TIPIN: variants seen among roughly 807,000 people sequenced by gnomAD.
TIPIN encodes TIMELESS-interacting protein.
In TIPIN, 29 loss-of-function variants were observed where a neutral mutation model predicts 35.6. The ratio of observed to expected loss-of-function variants is 0.82; its 90% confidence interval spans 0.61 to 1.11. TIPIN has a LOEUF of 1.11. Among genes scored for constraint, TIPIN ranks in the 50% most tolerant of loss-of-function variants. The pLI, the probability that TIPIN is intolerant of heterozygous loss-of-function variation, is 0.00. For synonymous variants in TIPIN, 102 were observed against 121.5 expected (o/e 0.84, Z 1.06); for missense variants, 296 against 345.4 (o/e 0.86, Z 1.13).
intron 1 of TIPIN, among the ~76,000 whole-genome samples, chr15:66,366,290 C>A (rs754318102): frequency 2.0e-5 from 3 of 151,612 alleles, no homozygotes; most frequent in African/African-American, 7.3e-5. Flanking sequence ...CCTGTCTCTA[C>A]TAAAAATGCA....
chr15:66,382,188 T>G (rs2093321145), intron 1 of TIPIN: 1 of 199,738 alleles, frequency 5.0e-6, no homozygotes, highest in African/African-American at 2.4e-5. Flanking sequence ...CTCATAACTA[T>G]TTAGTGCAGT....
At chr15:66,368,717 C>G in intron 1 of TIPIN, among the ~76,000 whole-genome samples, 1 of 151,946 alleles carries the variant, frequency 6.6e-6, no homozygotes, top group South Asian at 2.1e-4. Flanking sequence ...AGTATCAAAA[C>G]TGGAGAAAGG....
At chr15:66,361,339 T>C (rs1257146538), upstream of TIPIN, among the ~76,000 whole-genome samples, 1 of 147,644 alleles carries the variant, frequency 6.8e-6, no homozygotes, top group Admixed American at 6.8e-5. Context: ...CACTGCAAGC[T>C]CCGCTTCCCG....
In TIPIN at chr15:66,379,896, T is replaced by C. The variant is rs143003065; in HGVS notation, c.-9+6711A>G. 6.1e-4 allele frequency: 955 copies of C among 1,563,394 alleles called. 7 individuals are homozygous for C. The African/African-American group carries it at 0.012, about 19-fold the overall frequency. Reference sequence around the variant, plus strand: ...ATTTTCTGGAATGTCGACAGTCTGATTAATGAGAATGGTCTTCACTCTCGC... The same window carrying C: ...ATTTTCTGGAATGTCGACAGTCTGACTAATGAGAATGGTCTTCACTCTCGC... On this transcript the variant is annotated intron_variant, in intron 1 of 7. Transcript: ENST00000562124.
At chr15:66,377,290 T>C (rs1224213681) in intron 1 of TIPIN, among the ~76,000 whole-genome samples, 1 of 152,210 alleles carries the variant, frequency 6.6e-6, no homozygotes, top group Non-Finnish European at 1.5e-5. Flanking sequence ...GAACTACCTA[T>C]ATTGATGTAT....
upstream of TIPIN, among the ~76,000 whole-genome samples, chr15:66,360,316 A>C (rs978500271): frequency 2.0e-5 from 3 of 152,116 alleles, no homozygotes; most frequent in Admixed American, 2.0e-4. Flanking sequence ...AGAAAATGTA[A>C]AGATTTTGGC....
At position 66,377,323 on chromosome 15, in the gene TIPIN, T is replaced by C. The variant is rs554703557; in HGVS notation, c.-9+9284A>G. On this transcript the variant is annotated intron_variant, in intron 1 of 7. Transcript: ENST00000562124. The stretch of plus-strand genomic sequence containing the variant: ...TATTAATACTTTCCTTATGTTTCTA[T>C]TGGATGAATGATGATCTTCTTTTAA... Among the ~76,000 whole-genome samples, 179 of 152,242 alleles carry C rather than the reference T, an allele frequency of 1.2e-3. 2 individuals carry two copies. The highest frequency in any genetic ancestry group is 3.1e-4 in the Non-Finnish European group (21 of 68,018).
Position 66,353,086 on chromosome 15 carries a change from T to A in TIPIN, c.-8-131A>T. On this transcript the variant is annotated intron_variant, in intron 1 of 7. Coordinates refer to ENST00000261881, the MANE Select transcript of TIPIN (RefSeq NM_017858.3). ...TTTCAAACTCACACATCATGAAAAGTAGAGAAGATACTAATTATGAAAAAA... is the reference window on the plus strand; with the variant it reads ...TTTCAAACTCACACATCATGAAAAGAAGAGAAGATACTAATTATGAAAAAA... The A allele has an allele frequency of 1.3e-5, 11 of 817,618 alleles. 1 individual carries two copies. The highest frequency in any genetic ancestry group is 2.0e-5 in the Non-Finnish European group (11 of 563,582). The allele number at this position is 817,618 out of a possible 1,614,324, so 50.6% of individuals were successfully genotyped here.
intron 6 of TIPIN, among the ~76,000 whole-genome samples, chr15:66,346,448 T>A (rs2093126415): frequency 6.6e-6 from 1 of 152,096 alleles, no homozygotes; most frequent in Admixed American, 6.6e-5. Flanking sequence ...TTCTGAATCC[T>A]CCTTTGTGAA....
intron 1 of TIPIN, among the ~76,000 whole-genome samples, chr15:66,375,991 T>C (rs376903136): frequency 7.2e-5 from 11 of 152,010 alleles, no homozygotes; most frequent in Admixed American, 2.6e-4. Context: ...GTCCTAGCTA[T>C]TGGGGAGGCT....
At chr15:66,379,031 T>A (rs570021770) in intron 1 of TIPIN, among the ~76,000 whole-genome samples, 1 of 152,250 alleles carries the variant, frequency 6.6e-6, no homozygotes, top group East Asian at 1.9e-4. Context: ...AAGTGTTAGG[T>A]TACAGGCATG....
intron 1 of TIPIN, among the ~76,000 whole-genome samples, chr15:66,381,303 T>C (rs1179665224): frequency 6.6e-6 from 1 of 152,004 alleles, no homozygotes; most frequent in Non-Finnish European, 1.5e-5. Context: ...CCGAGCGTGG[T>C]GGCGGGCGCC....
At chr15:66,348,794 A>G (rs1465135115) in intron 6 of TIPIN, among the ~76,000 whole-genome samples, 2 of 151,928 alleles carry the variant, frequency 1.3e-5, no homozygotes, top group Admixed American at 6.6e-5. Flanking sequence ...AAAATTTTAA[A>G]ATTAGCCAGG....
intron 7 of TIPIN, among the ~76,000 whole-genome samples, chr15:66,338,123 G>C (rs1163661972): frequency 1.3e-5 from 2 of 151,978 alleles, no homozygotes; most frequent in Admixed American, 6.6e-5. Context: ...GGACATGGTG[G>C]AGCACGCCTG....
chr15:66,365,123 A>T (rs1304064151), intron 1 of TIPIN, among the ~76,000 whole-genome samples: 1 of 152,102 alleles, frequency 6.6e-6, no homozygotes, highest in African/African-American at 2.4e-5. Context: ...TCTTTGTCTC[A>T]AAATGAGATA....
At chr15:66,352,415 C>T (rs2093174374) in intron 2 of TIPIN, among the ~76,000 whole-genome samples, 1 of 152,164 alleles carries the variant, frequency 6.6e-6, no homozygotes, top group Admixed American at 6.6e-5. Flanking sequence ...TCTTCTGCCT[C>T]AGTATCCCGA....
At chr15:66,342,185 T>TAAAAAAA (rs2093092193) in intron 6 of TIPIN, among the ~76,000 whole-genome samples, 1 of 12,042 alleles carries the variant, frequency 8.3e-5, no homozygotes, top group Non-Finnish European at 1.5e-4. Flanking sequence ...CAAGACTGTC[T>TAAAAAAA]CAAAAAAAAA....
chr15:66,384,846 A>G (rs1449820950), intron 1 of TIPIN, among the ~76,000 whole-genome samples: 1 of 151,560 alleles, frequency 6.6e-6, no homozygotes, highest in Non-Finnish European at 1.5e-5. Flanking sequence ...TGGGAGGTGG[A>G]GGTTGCAATG....
chr15:66,372,591 T>G (rs1241816211), intron 1 of TIPIN, among the ~76,000 whole-genome samples: 4 of 152,148 alleles, frequency 2.6e-5, no homozygotes, highest in Admixed American at 6.6e-5. Flanking sequence ...AGCCCACATA[T>G]ATGATGATGG....
Sources: gnomAD v4.1 joint callset for allele counts (sites outside exome capture counted in the v4.1 genomes callset) on GRCh38, gnomAD v4.1.1 for gene constraint, MANE v1.5 for transcripts, NCBI Gene and HGNC (gene_info 2026-07-23, HGNC 2026-07-21) for gene names.